CTNNA3: variants seen among roughly 807,000 people sequenced by gnomAD.
CTNNA3 encodes catenin alpha 3, also known as catenin alpha-3.
In CTNNA3, 76 loss-of-function variants were observed where a neutral mutation model predicts 95.7. That is an observed-to-expected ratio of 0.79 (90% CI 0.66 to 0.96). The LOEUF (loss-of-function observed/expected upper bound fraction) is 0.96. Among genes scored for constraint, CTNNA3 ranks in the 40% least tolerant of loss-of-function variants. The probability of loss-of-function intolerance (pLI) is 0.00; values close to 1 mark genes in which losing one functional copy is unlikely to be tolerated. For synonymous variants in CTNNA3, 431 were observed against 374.4 expected, an observed-to-expected ratio of 1.15 and a Z score of -1.74; for missense variants, 1,191 against 1,089.8, an observed-to-expected ratio of 1.09 and a Z score of -1.31.
intron 15 of CTNNA3, among the ~76,000 whole-genome samples, chr10:66,065,369 T>A (rs1178444714): frequency 1.3e-5 from 2 of 152,100 alleles, no homozygotes; most frequent in African/African-American, 4.8e-5. Context: ...TAAAATATAT[T>A]CAAACATCCA....
At chr10:67,142,525 C>T (rs1040828897) in intron 7 of CTNNA3, among the ~76,000 whole-genome samples, 1 of 151,966 alleles carries the variant, frequency 6.6e-6, no homozygotes, top group Non-Finnish European at 1.5e-5. Flanking sequence ...AAGCAAGTCA[C>T]ATGGATTTTT....
At chr10:67,209,043 T>TG (rs1864025715) in intron 6 of CTNNA3, among the ~76,000 whole-genome samples, 2 of 145,294 alleles carry the variant, frequency 1.4e-5, no homozygotes, top group African/African-American at 5.5e-5. Flanking sequence ...TATTGTTATT[T>TG]TTTGTTGTTG....
intron 9 of CTNNA3, among the ~76,000 whole-genome samples, chr10:66,630,665 C>G (rs1845100933): frequency 6.6e-6 from 1 of 152,070 alleles, no homozygotes; most frequent in South Asian, 2.1e-4. Context: ...GCAGAAAGAG[C>G]TCTGATCTCC....
At chr10:65,928,279 C>T (rs567692252) in intron 17 of CTNNA3, among the ~76,000 whole-genome samples, 1 of 152,170 alleles carries the variant, frequency 6.6e-6, no homozygotes, top group African/African-American at 2.4e-5. Context: ...CTTGGAATTG[C>T]TGTCAAAAAT....
intron 10 of CTNNA3, among the ~76,000 whole-genome samples, chr10:66,533,745 G>A (rs1435402859): frequency 3.9e-5 from 6 of 151,986 alleles, no homozygotes; most frequent in Admixed American, 2.0e-4. Context: ...TCCCTACAGC[G>A]AACTCTTATA....
At chr10:67,065,238 T>C (rs1367122884) in intron 7 of CTNNA3, among the ~76,000 whole-genome samples, 1 of 152,170 alleles carries the variant, frequency 6.6e-6, no homozygotes, top group African/African-American at 2.4e-5. Context: ...ACGTTGACCA[T>C]ACACATGCTG....
At position 66,294,651 on chromosome 10, in the gene CTNNA3, A is replaced by G. The variant is rs141115829; in HGVS notation, c.1733-14030T>C. 5.3e-3 allele frequency among the ~76,000 whole-genome samples: 803 copies of G among 152,268 alleles called. 6 individuals carry two copies. The highest frequency in any genetic ancestry group is 0.018 in the African/African-American group (755 of 41,552). ...AAATGAACAGGTTGGGACATTTGGT[A>G]CTGAGATAGAAACTTCACGATTTTA... On this transcript the variant is annotated intron_variant, in intron 12 of 17. Coordinates refer to ENST00000433211, the MANE Select transcript of CTNNA3 (RefSeq NM_013266.4).
At chr10:66,493,107 T>C (rs571867901) in intron 11 of CTNNA3, among the ~76,000 whole-genome samples, 1 of 152,222 alleles carries the variant, frequency 6.6e-6, no homozygotes, top group South Asian at 2.1e-4. Flanking sequence ...CTAGATCAAA[T>C]TTACAAGGAA....
intron 7 of CTNNA3, among the ~76,000 whole-genome samples, chr10:66,793,529 C>A (rs1841064479): frequency 6.6e-6 from 1 of 151,912 alleles, no homozygotes; most frequent in South Asian, 2.1e-4. Context: ...ACCTACTTGT[C>A]CAGTATCTAT....
chr10:66,030,241 A>G (rs2133454195), intron 15 of CTNNA3, among the ~76,000 whole-genome samples: 2 of 152,310 alleles, frequency 1.3e-5, no homozygotes, highest in African/African-American at 4.8e-5. Context: ...GTATGGAATC[A>G]AAAGAGAGCC....
At chr10:66,025,192 G>C (rs1480448539) in intron 15 of CTNNA3, among the ~76,000 whole-genome samples, 1 of 152,202 alleles carries the variant, frequency 6.6e-6, no homozygotes, top group Admixed American at 6.5e-5. Context: ...GAGTGAACTG[G>C]AGAAGCTCTC....
chr10:66,257,199 A>G (rs182080208), intron 13 of CTNNA3, among the ~76,000 whole-genome samples: 2 of 152,310 alleles, frequency 1.3e-5, no homozygotes, highest in East Asian at 3.9e-4. Flanking sequence ...TTCCATCTCT[A>G]TGGATAAGTC....
intron 12 of CTNNA3, among the ~76,000 whole-genome samples, chr10:66,365,757 G>GCTCT (rs71035132): frequency 2.3e-3 from 263 of 113,146 alleles, no homozygotes; most frequent in African/African-American, 5.1e-3. Flanking sequence ...TGCATCTTAG[G>GCTCT]CTCTCTCTCT....
In CTNNA3 at chr10:67,343,747, T is replaced by C. The variant is rs191973497; in HGVS notation, c.580-123877A>G. 5.0e-3 allele frequency among the ~76,000 whole-genome samples: 752 copies of C among 151,880 alleles called. 5 individuals carry two copies. The highest frequency in any genetic ancestry group is 0.017 in the African/African-American group (704 of 41,530). On this transcript the variant is annotated intron_variant, in intron 5 of 17. Coordinates refer to ENST00000433211, the MANE Select transcript of CTNNA3 (RefSeq NM_013266.4). ...TTTCCAATTGGATGCTCTTTATTTT[T>C]TCTCTTGTCTGATTGCTCTATCTAG... is the stretch of plus-strand genomic sequence containing the variant.
chr10:66,129,212 C>A (rs12773917), intron 13 of CTNNA3, among the ~76,000 whole-genome samples: 1 of 152,064 alleles, frequency 6.6e-6, no homozygotes, highest in Non-Finnish European at 1.5e-5. Flanking sequence ...TGCAGTGAGC[C>A]GAGATTGTGC....
chr10:67,418,822 T>C (rs1009687656), intron 5 of CTNNA3, among the ~76,000 whole-genome samples: 2 of 152,242 alleles, frequency 1.3e-5, no homozygotes, highest in Non-Finnish European at 2.9e-5. Context: ...TATTGTATTT[T>C]TGGAAGTTGT....
At chr10:66,937,849 C>G (rs866912663) in intron 7 of CTNNA3, among the ~76,000 whole-genome samples, 1 of 152,166 alleles carries the variant, frequency 6.6e-6, no homozygotes, top group Non-Finnish European at 1.5e-5. Context: ...AAATTCTGCT[C>G]ACTCCAGATG....
intron 1 of CTNNA3, among the ~76,000 whole-genome samples, chr10:67,725,863 T>G (rs1363713719): frequency 2.7e-5 from 4 of 146,788 alleles, no homozygotes; most frequent in African/African-American, 1.0e-4. Flanking sequence ...AGGTGTACCT[T>G]CCTCAACAGT....
chr10:65,977,306 A>G (rs1238026503), intron 16 of CTNNA3, among the ~76,000 whole-genome samples: 1 of 152,124 alleles, frequency 6.6e-6, no homozygotes, highest in East Asian at 1.9e-4. Flanking sequence ...GTTTCTACCA[A>G]GACGCTTGGA....
Sources: allele counts gnomAD v4.1 joint callset (sites outside exome capture counted in the v4.1 genomes callset), GRCh38; gene constraint gnomAD v4.1.1; transcripts MANE v1.5; gene names NCBI Gene and HGNC (gene_info 2026-07-23, HGNC 2026-07-21).